ACTR3C: variants seen among roughly 807,000 people sequenced by gnomAD.
ACTR3C encodes the protein actin-related protein 3C.
In ACTR3C, 18 loss-of-function variants were observed where a neutral mutation model predicts 26.3. That is an observed-to-expected ratio of 0.68 (90% CI 0.47 to 1.01). ACTR3C has a LOEUF of 1.01. ACTR3C is among the 50% of genes least tolerant of loss of function. ACTR3C has a pLI of 0.00. For synonymous variants in ACTR3C, 55 were observed against 94.5 expected (o/e 0.58, Z 2.42); for missense variants, 184 against 250.7 (o/e 0.73, Z 1.80).
At chr7:150,208,018 A>G in the ACTR3C span, among the ~76,000 whole-genome samples, 1 of 152,220 alleles carries the variant, frequency 6.6e-6, no homozygotes, top group South Asian at 2.1e-4. Flanking sequence ...CCCGAAACAA[A>G]TAAATCTTGT....
the ACTR3C span, among the ~76,000 whole-genome samples, chr7:150,155,337 G>A: frequency 6.6e-6 from 1 of 151,840 alleles, no homozygotes; most frequent in Admixed American, 6.6e-5. Flanking sequence ...CCTACAGTCA[G>A]CACGCTCATT....
At chr7:150,221,243 T>C in the ACTR3C span, among the ~76,000 whole-genome samples, 4,821 of 152,302 alleles carry the variant, frequency 0.032, 255 homozygotes, top group African/African-American at 0.11. Context: ...CTTTCTGCAA[T>C]AGAAGTCTCT....
chr7:150,142,180 G>A, the ACTR3C span, among the ~76,000 whole-genome samples: 1 of 152,182 alleles, frequency 6.6e-6, no homozygotes, highest in Non-Finnish European at 1.5e-5. Flanking sequence ...GCTGGGGCTA[G>A]GGTGAGGTCT....
intron 3 of ACTR3C, among the ~76,000 whole-genome samples, chr7:150,289,994 C>T (rs2129612833): frequency 6.6e-6 from 1 of 152,196 alleles, no homozygotes; most frequent in Non-Finnish European, 1.5e-5. Flanking sequence ...TATAAATCTA[C>T]TTACGTTTAA....
chr7:150,201,931 T>C, the ACTR3C span, among the ~76,000 whole-genome samples: 1 of 152,166 alleles, frequency 6.6e-6, no homozygotes, highest in African/African-American at 2.4e-5. Context: ...TCTGCTCTTC[T>C]TGGTAAGTGG....
the ACTR3C span, chr7:150,047,865 G>A: frequency 4.7e-6 from 7 of 1,480,836 alleles, no homozygotes; most frequent in Non-Finnish European, 6.3e-6. Context: ...CGGGCACCGC[G>A]CTCCTGCTGG....
At chr7:149,925,016 T>C in the ACTR3C span, among the ~76,000 whole-genome samples, 2 of 152,160 alleles carry the variant, frequency 1.3e-5, no homozygotes, top group Non-Finnish European at 2.9e-5. Context: ...AGCAGCACGT[T>C]ATAAAATGAG....
the ACTR3C span, among the ~76,000 whole-genome samples, chr7:150,015,202 C>A: frequency 6.6e-6 from 1 of 152,158 alleles, no homozygotes; most frequent in Non-Finnish European, 1.5e-5. Context: ...AGCACCATCT[C>A]CCGTAGACAA....
the ACTR3C span, among the ~76,000 whole-genome samples, chr7:149,973,327 A>G: frequency 1.3e-5 from 2 of 152,204 alleles, no homozygotes; most frequent in African/African-American, 2.4e-5. Context: ...GATCTGGGAG[A>G]AGCAAGCTAT....
At chr7:149,993,583 G>T in the ACTR3C span, among the ~76,000 whole-genome samples, 1 of 152,046 alleles carries the variant, frequency 6.6e-6, no homozygotes, top group African/African-American at 2.4e-5. Flanking sequence ...GAAGGAAGAG[G>T]CTTGCTGAGT....
chr7:150,275,712 C>CA (rs59017721), intron 6 of ACTR3C, among the ~76,000 whole-genome samples: 191 of 144,512 alleles, frequency 1.3e-3, no homozygotes, highest in Middle Eastern at 3.5e-3. Flanking sequence ...AACTCTGTCT[C>CA]AAAAAAAAAA....
At chr7:150,148,773 A>C in the ACTR3C span, among the ~76,000 whole-genome samples, 2,729 of 152,154 alleles carry the variant, frequency 0.018, 70 homozygotes, top group African/African-American at 0.061. Flanking sequence ...ATCATCCTAC[A>C]ATTTATTATC....
chr7:150,300,979 ACCT>A (rs1456586349), intron 1 of ACTR3C, among the ~76,000 whole-genome samples: 1 of 152,074 alleles, frequency 6.6e-6, no homozygotes, highest in Non-Finnish European at 1.5e-5. Context: ...CTCTTAAGCT[ACCT>A]CCTATCGATC....
At chr7:149,990,622 A>G in the ACTR3C span, among the ~76,000 whole-genome samples, 8,362 of 137,080 alleles carry the variant, frequency 0.061, 332 homozygotes, top group East Asian at 0.24. Flanking sequence ...AGGCAGACAC[A>G]TGAACATAAG....
At chr7:150,138,799 C>T in the ACTR3C span, among the ~76,000 whole-genome samples, 146 of 152,406 alleles carry the variant, frequency 9.6e-4, no homozygotes, top group South Asian at 0.029. Flanking sequence ...CAGCCGCTCC[C>T]CATCGCTCGC....
At chr7:150,010,372 T>C in the ACTR3C span, among the ~76,000 whole-genome samples, 3 of 152,234 alleles carry the variant, frequency 2.0e-5, no homozygotes, top group East Asian at 1.9e-4. Flanking sequence ...AGATGTGTAA[T>C]GTTATATGTA....
At chr7:150,065,499 T>C in the ACTR3C span, among the ~76,000 whole-genome samples, 2 of 152,228 alleles carry the variant, frequency 1.3e-5, no homozygotes, top group Non-Finnish European at 2.9e-5. Context: ...ACCTTGTCCA[T>C]TGAACCCCAA....
At chr7:150,005,340 T>C in the ACTR3C span, among the ~76,000 whole-genome samples, 10 of 152,086 alleles carry the variant, frequency 6.6e-5, no homozygotes, top group African/African-American at 2.2e-4. Context: ...TCCTGGAAAT[T>C]GTTGAGAACC....
the ACTR3C span, among the ~76,000 whole-genome samples, chr7:150,055,866 T>C: frequency 2.0e-5 from 3 of 150,798 alleles, no homozygotes; most frequent in Admixed American, 1.3e-4. Context: ...TTTGGACTCA[T>C]TGCTTTTTTA....
Sources: gnomAD v4.1 joint callset for allele counts (sites outside exome capture counted in the v4.1 genomes callset) on GRCh38, gnomAD v4.1.1 for gene constraint, MANE v1.5 for transcripts, NCBI Gene and HGNC (gene_info 2026-07-23, HGNC 2026-07-21) for gene names.